KALRN: variants seen among roughly 807,000 people sequenced by gnomAD.
KALRN encodes the protein kalirin.
Under a neutral mutation model 353.7 loss-of-function variants are expected in KALRN, and 70 were observed. The ratio of observed to expected loss-of-function variants is 0.20; its 90% CI spans 0.16 to 0.24. KALRN has a LOEUF of 0.24. KALRN is among the 10% of genes least tolerant of loss of function. The probability of loss-of-function intolerance (pLI) is 1.00; values close to 1 mark genes in which losing one functional copy is unlikely to be tolerated. For missense variants in KALRN, 2,791 were observed against 3,756.7 expected, an observed-to-expected ratio of 0.74 and a Z score of 6.72; for synonymous variants, 1,391 against 1,434.8, an observed-to-expected ratio of 0.97 and a Z score of 0.69.
chr3:124,324,828 G>T (rs1017413056), intron 6 of KALRN, among the ~76,000 whole-genome samples: 1 of 152,186 alleles, frequency 6.6e-6, no homozygotes, highest in Non-Finnish European at 1.5e-5. Context: ...CTACATCTGA[G>T]CTAACAGAAC....
chr3:124,373,878 C>T (rs1211434050), intron 10 of KALRN, among the ~76,000 whole-genome samples: 1 of 152,190 alleles, frequency 6.6e-6, no homozygotes, highest in East Asian at 1.9e-4. Context: ...ATTCAACCCA[C>T]AAGAGCCCCA....
chr3:124,106,613 G>A (rs1382940736), intron 1 of KALRN, among the ~76,000 whole-genome samples: 1 of 152,110 alleles, frequency 6.6e-6, no homozygotes, highest in East Asian at 1.9e-4. Context: ...GCTGGGCCTT[G>A]GAGAAGACTG....
At chr3:124,332,051 T>C (rs934455419) in intron 8 of KALRN, among the ~76,000 whole-genome samples, 1 of 152,180 alleles carries the variant, frequency 6.6e-6, no homozygotes, top group African/African-American at 2.4e-5. Flanking sequence ...CTTATTTATG[T>C]CTCTGGTGGG....
At chr3:124,515,602 C>A (rs765176158) in intron 33 of KALRN, among the ~76,000 whole-genome samples, 7 of 152,208 alleles carry the variant, frequency 4.6e-5, no homozygotes, top group Non-Finnish European at 1.0e-4. Context: ...TCAGGCTCTA[C>A]ACTGGCCTAT....
chr3:124,133,475 C>T (rs892611850), intron 1 of KALRN, among the ~76,000 whole-genome samples: 3 of 152,174 alleles, frequency 2.0e-5, no homozygotes, highest in East Asian at 1.9e-4. Context: ...CACAGAGCCC[C>T]GGAGGTAGCT....
At chr3:124,527,914 G>A (rs946848605) in intron 33 of KALRN, among the ~76,000 whole-genome samples, 8 of 152,272 alleles carry the variant, frequency 5.3e-5, no homozygotes, top group Middle Eastern at 6.8e-3. Context: ...GGCGAGATTC[G>A]TGAAAACAAA....
At chr3:124,094,503 G>C (rs549838263) in intron 1 of KALRN, among the ~76,000 whole-genome samples, 2 of 152,256 alleles carry the variant, frequency 1.3e-5, no homozygotes, top group Non-Finnish European at 2.9e-5. Context: ...GGACTTGACT[G>C]TGGATTTTCA....
rs1170536705 is a variant in KALRN at position 124,659,434 on chromosome 3, A to G, written c.6193A>G (p.Thr2065Ala). The G allele has an allele frequency of 1.7e-5, 27 of 1,613,232 alleles. No individual in the cohort carries two copies. Among genetic ancestry groups the G allele is most frequent in the Non-Finnish European group, 2.1e-5 (25 of 1,179,180 alleles). ...CCTCATCAAGCCCATTCAGAGAATA[A>G]CAAAATACCAGTTGCTCCTCAAGGT... is the stretch of plus-strand genomic sequence containing the variant. ...DFLIKPIQRI[T>A]KYQLLLKDFL... The change falls in exon 43 of 60, where the codon ACA becomes GCA. Residue 2065 changes from threonine to alanine, a missense_variant. Physicochemically the swap from Thr to Ala is moderately conservative, Grantham distance 58 (BLOSUM62 0). This residue lies in a region of KALRN where 1,065 missense variants were observed against 1,156.4 expected (regional missense o/e 0.92). Transcript: ENST00000682506.
Position 124,033,974 on chromosome 3 carries a change from T to G in KALRN, c.73+161T>G, listed in dbSNP as rs984890383. On this transcript the variant is annotated intron_variant, in intron 1 of 59. Transcript: ENST00000682506. The surrounding 1 kb of genome is among the most constrained non-coding windows in gnomAD (Gnocchi z 6.2). ...GGAGTTGCCGAGATTCTGGTTGTTATGGCAGTGCTGGCTGCGTCTGGGGAG... is the reference window on the plus strand; with the variant it reads ...GGAGTTGCCGAGATTCTGGTTGTTAGGGCAGTGCTGGCTGCGTCTGGGGAG... 2.6e-5 allele frequency among the ~76,000 whole-genome samples: 4 copies of G among 151,680 alleles called. No homozygotes were observed. The highest frequency in any genetic ancestry group is 5.9e-5 in the Non-Finnish European group (4 of 67,902).
chr3:124,659,190 T>C (rs553092652), intron 42 of KALRN, among the ~76,000 whole-genome samples, 175 bp from the exon 43 acceptor site: 2 of 151,962 alleles, frequency 1.3e-5, no homozygotes, highest in South Asian at 4.1e-4. Context: ...GTGTGTTATG[T>C]GTTGTTCATA....
chr3:124,083,678 G>T (rs1479373900), intron 1 of KALRN, among the ~76,000 whole-genome samples: 1 of 152,244 alleles, frequency 6.6e-6, no homozygotes, highest in East Asian at 1.9e-4. Flanking sequence ...ACAACTGTTA[G>T]AATTGGCATT....
intron 1 of KALRN, among the ~76,000 whole-genome samples, chr3:124,145,638 G>A (rs1342863176): frequency 6.6e-6 from 1 of 152,226 alleles, no homozygotes; most frequent in Admixed American, 6.5e-5. Flanking sequence ...CAGCTAGTAT[G>A]TGCCCAGCAT....
At chr3:124,128,392 A>G (rs940040139) in intron 1 of KALRN, among the ~76,000 whole-genome samples, 1 of 152,192 alleles carries the variant, frequency 6.6e-6, no homozygotes, top group Non-Finnish European at 1.5e-5. Context: ...TGGACCTGAA[A>G]AAGATGGATT....
chr3:124,300,244 GC>G (rs1411352695), intron 6 of KALRN, among the ~76,000 whole-genome samples: 25 of 152,168 alleles, frequency 1.6e-4, no homozygotes, highest in African/African-American at 6.0e-4. Context: ...TCACTGTCTA[GC>G]TAGAGAAAGA....
At chr3:124,679,566 G>C in intron 51 of KALRN, 49 bp downstream of exon 51, 1 of 1,476,048 alleles carries the variant, frequency 6.8e-7, no homozygotes, top group Non-Finnish European at 9.5e-7. Flanking sequence ...TGCCTTTTTT[G>C]ATGTGTTCTG....
intron 14 of KALRN, among the ~76,000 whole-genome samples, chr3:124,420,950 C>T (rs2092752514): frequency 6.6e-6 from 1 of 152,162 alleles, no homozygotes; most frequent in African/African-American, 2.4e-5. Context: ...TTGAGATTGG[C>T]AGGCTCCTTT....
intron 10 of KALRN, among the ~76,000 whole-genome samples, chr3:124,353,421 C>T (rs1280605127): frequency 2.6e-5 from 4 of 152,158 alleles, no homozygotes; most frequent in African/African-American, 4.8e-5. Flanking sequence ...TAGAGTTCCA[C>T]AGTTTCTGTC....
intron 4 of KALRN, among the ~76,000 whole-genome samples, chr3:124,265,245 T>C (rs985276506): frequency 6.6e-6 from 1 of 151,554 alleles, no homozygotes; most frequent in Non-Finnish European, 1.5e-5. Context: ...CTAGAACTTA[T>C]TCCTTCTATT....
intron 9 of KALRN, among the ~76,000 whole-genome samples, chr3:124,337,572 A>G (rs749181840): frequency 3.3e-5 from 5 of 152,134 alleles, no homozygotes; most frequent in Non-Finnish European, 5.9e-5. Flanking sequence ...TTTTTGCGTC[A>G]ATGTTCATCA....
Sources: gnomAD v4.1 joint callset for allele counts (sites outside exome capture counted in the v4.1 genomes callset) on GRCh38, gnomAD v4.1.1 for gene constraint, gnomAD v4.1.1 regional missense constraint, Gnocchi (gnomAD v3.1) non-coding constraint, MANE v1.5 for transcripts, NCBI Gene and HGNC (gene_info 2026-07-23, HGNC 2026-07-21) for gene names.